The following MEIS1 variants were observed in gnomAD, a reference collection of about 807,000 sequenced individuals.
The protein encoded by MEIS1 is homeobox protein Meis1.
MEIS1 carries 5 observed loss-of-function variants against 50.8 expected under a neutral mutation model. That is an observed-to-expected ratio of 0.10 (90% confidence interval 0.05 to 0.21). The LOEUF (loss-of-function observed/expected upper bound fraction) is 0.21, where lower values mean the gene tolerates loss of function less well. Ranked by LOEUF, MEIS1 falls within the 10% of genes least tolerant of loss-of-function variation. MEIS1 has a pLI of 1.00. For synonymous variants in MEIS1, 176 were observed against 179.3 expected (o/e 0.98, Z 0.15); for missense variants, 318 against 517.3 (o/e 0.61, Z 3.74).
At chr2:66,446,423 G>T (rs562947524) in intron 6 of MEIS1, among the ~76,000 whole-genome samples, 2 of 152,280 alleles carry the variant, frequency 1.3e-5, no homozygotes, top group South Asian at 4.2e-4. Context: ...AGAGTCTCTA[G>T]GCCCCCAGGG....
chr2:66,526,025 C>T (rs1319326439), intron 8 of MEIS1, among the ~76,000 whole-genome samples: 1 of 152,202 alleles, frequency 6.6e-6, no homozygotes, highest in African/African-American at 2.4e-5. Context: ...ATGTCTGCTC[C>T]AGGAGATCCT....
At chr2:66,554,772 G>T (rs1185927786) in intron 9 of MEIS1, among the ~76,000 whole-genome samples, 2 of 151,650 alleles carry the variant, frequency 1.3e-5, no homozygotes, top group Non-Finnish European at 2.9e-5. Context: ...GAGTGGGGAA[G>T]GAAAAAAAAT....
chr2:66,507,043 G>C (rs181678751), intron 7 of MEIS1, among the ~76,000 whole-genome samples: 1 of 152,204 alleles, frequency 6.6e-6, no homozygotes, highest in East Asian at 1.9e-4. Context: ...ACATGCAAGA[G>C]AAAAAAGAAA....
At chr2:66,445,451 C>CTG (rs1033517171) in intron 6 of MEIS1, among the ~76,000 whole-genome samples, 6 of 152,238 alleles carry the variant, frequency 3.9e-5, no homozygotes, top group African/African-American at 1.4e-4. Flanking sequence ...GCCTGCTGGC[C>CTG]TGTCCCTCCG....
intron 9 of MEIS1, among the ~76,000 whole-genome samples, chr2:66,561,728 A>G (rs1442032336): frequency 2.0e-5 from 3 of 152,114 alleles, no homozygotes; most frequent in African/African-American, 7.2e-5. Context: ...GTACTTGCAG[A>G]TGTTGTAAAA....
chr2:66,505,001 G>GTT (rs1447891103), intron 7 of MEIS1, among the ~76,000 whole-genome samples: 2 of 152,182 alleles, frequency 1.3e-5, no homozygotes, highest in African/African-American at 4.8e-5. Context: ...AGGCCAAGGA[G>GTT]TTAACAGAAT....
intron 8 of MEIS1, among the ~76,000 whole-genome samples, chr2:66,526,800 T>C (rs1674261883): frequency 6.6e-6 from 1 of 152,180 alleles, no homozygotes; most frequent in Non-Finnish European, 1.5e-5. Flanking sequence ...TACCCCCTCT[T>C]AATAAGACTG....
rs945451656 is a variant in MEIS1 at position 66,457,384 on chromosome 2, C to T, written c.631-6725C>T. ...ATGTGAGCCACCAAGCATTTCAGTA[C>T]GAGTTTCAGTATGACAAGACTTTAA... On this transcript the variant is annotated intron_variant, in intron 6 of 12. Transcript: ENST00000272369. Among the ~76,000 whole-genome samples the T allele has an allele frequency of 7.9e-5, 12 of 151,938 alleles. 1 individual carries two copies. Among genetic ancestry groups the T allele is most frequent in the African/African-American group, 2.4e-4 (10 of 41,358 alleles).
chr2:66,557,692 G>T (rs1012962901), intron 9 of MEIS1, among the ~76,000 whole-genome samples: 3 of 152,128 alleles, frequency 2.0e-5, no homozygotes, highest in African/African-American at 7.2e-5. Flanking sequence ...ATCAGTGGAT[G>T]GGCATTTGAT....
At chr2:66,569,381 C>A in intron 12 of MEIS1, 1 of 286,856 alleles carries the variant, frequency 3.5e-6, no homozygotes, top group Non-Finnish European at 6.5e-6. Flanking sequence ...GACCACATGA[C>A]AAAACAAGAA....
rs1407497093 is a variant in MEIS1 at position 66,437,740 on chromosome 2, G to A, written c.16G>A (p.Asp6Asn). The A allele has an allele frequency of 6.2e-7, 1 of 1,613,752 alleles. No homozygotes were observed. Among genetic ancestry groups the A allele is most frequent in the East Asian group, 2.2e-5 (1 of 44,850 alleles). MAQRY[D>N]DLPHYGGMDG... is the part of the protein sequence containing the mutation. ...TTCTCTCCTGTTTGTCATGCAGTAC[G>A]ACGATCTACCCCATTACGGGGGCAT... Residue 6 changes from aspartate to asparagine, a missense_variant, in exon 2 of 13, where the codon GAC becomes AAC. Asp to Asn is a conservative substitution (Grantham distance 23). This residue lies in a region of MEIS1 where 100 missense variants were observed against 107.1 expected (regional missense o/e 0.93). Transcript: ENST00000272369.
intron 7 of MEIS1, among the ~76,000 whole-genome samples, chr2:66,470,477 T>G (rs2103759201): frequency 6.6e-6 from 1 of 152,370 alleles, no homozygotes; most frequent in South Asian, 2.1e-4. Context: ...TATACTCACC[T>G]TTCCTTTTAT....
chr2:66,523,024 A>G (rs1388569852), intron 8 of MEIS1, among the ~76,000 whole-genome samples: 1 of 152,218 alleles, frequency 6.6e-6, no homozygotes, highest in Non-Finnish European at 1.5e-5. Flanking sequence ...TAAGCATGTT[A>G]CATATACCTC....
chr2:66,484,579 A>G (rs966176401), intron 7 of MEIS1, among the ~76,000 whole-genome samples: 1 of 151,030 alleles, frequency 6.6e-6, no homozygotes, highest in Non-Finnish European at 1.5e-5. Flanking sequence ...TTTTTTTGAG[A>G]TGGAGTTTCA....
chr2:66,439,215 G>A, intron 2 of MEIS1: 1 of 943,978 alleles, frequency 1.1e-6, no homozygotes, highest in Non-Finnish European at 1.3e-6. Flanking sequence ...ACTTTCTTTG[G>A]GGGGCGGTGG....
intron 8 of MEIS1, among the ~76,000 whole-genome samples, chr2:66,530,455 C>CTGTA (rs967231918): frequency 3.3e-5 from 5 of 152,184 alleles, no homozygotes; most frequent in Non-Finnish European, 7.3e-5. Context: ...TGGCTCACGC[C>CTGTA]TGTAATCCCA....
intron 7 of MEIS1, among the ~76,000 whole-genome samples, chr2:66,481,010 AC>A (rs1229775535): frequency 2.6e-5 from 4 of 151,722 alleles, no homozygotes; most frequent in Non-Finnish European, 5.9e-5. Context: ...AAAAAAAAAA[AC>A]AAAAAAACAA....
chr2:66,516,081 TGAA>T (rs1243698548), intron 8 of MEIS1, among the ~76,000 whole-genome samples: 2 of 152,178 alleles, frequency 1.3e-5, no homozygotes, highest in Non-Finnish European at 2.9e-5. Flanking sequence ...TTAGTGAAAA[TGAA>T]GAAAAAGAAT....
intron 7 of MEIS1, among the ~76,000 whole-genome samples, chr2:66,498,484 G>C (rs949099792): frequency 6.6e-6 from 1 of 152,108 alleles, no homozygotes; most frequent in Non-Finnish European, 1.5e-5. Context: ...CAAGAAGTGA[G>C]GTATTATACA....
Sources: gnomAD v4.1 joint callset for allele counts (sites outside exome capture counted in the v4.1 genomes callset) on GRCh38, gnomAD v4.1.1 for gene constraint, gnomAD v4.1.1 regional missense constraint, MANE v1.5 for transcripts, NCBI Gene and HGNC (gene_info 2026-07-23, HGNC 2026-07-21) for gene names.